Variants in LRP11 observed in about 807,000 individuals in gnomAD.
LRP11 encodes the protein low-density lipoprotein receptor-related protein 11.
LRP11 carries 25 observed loss-of-function variants against 43.1 expected under a neutral mutation model. That is an observed-to-expected ratio of 0.58 (90% CI 0.42 to 0.81). LRP11 has a LOEUF of 0.81. Among genes scored for constraint, LRP11 ranks in the 30% least tolerant of loss-of-function variants. LRP11 has a pLI of 0.00. For synonymous variants in LRP11, 316 were observed against 299.4 expected (o/e 1.06, Z -0.57); for missense variants, 623 against 665.1 (o/e 0.94, Z 0.70).
chr6:149,857,524 AAAAG>A (rs1776818715), intron 1 of LRP11, among the ~76,000 whole-genome samples: 2 of 151,984 alleles, frequency 1.3e-5, no homozygotes, highest in South Asian at 4.1e-4. Context: ...AAAAAAAGTA[AAAAG>A]AAACAAAGAT....
At chr6:149,861,744 C>T (rs1211401619) in intron 1 of LRP11, among the ~76,000 whole-genome samples, 2 of 152,196 alleles carry the variant, frequency 1.3e-5, no homozygotes, top group African/African-American at 4.8e-5. Context: ...TGGTCTCTAA[C>T]TCTTGGCCTC....
intron 3 of LRP11, among the ~76,000 whole-genome samples, chr6:149,841,875 G>A (rs781036936): frequency 1.4e-4 from 22 of 151,856 alleles, no homozygotes; most frequent in Non-Finnish European, 2.4e-4. Context: ...CTGCACCACT[G>A]CACTCCCACT....
chr6:149,826,125 C>T (rs147010382), intron 6 of LRP11, 139 bp downstream of exon 6: 82 of 750,706 alleles, frequency 1.1e-4, no homozygotes, highest in African/African-American at 8.9e-4. Flanking sequence ...ATACAAGCAA[C>T]GAGGAGACAG....
intron 1 of LRP11, among the ~76,000 whole-genome samples, chr6:149,857,088 T>C (rs1776810980): frequency 6.6e-6 from 1 of 152,228 alleles, no homozygotes; most frequent in Non-Finnish European, 1.5e-5. Flanking sequence ...ATTTTGAAGC[T>C]GACTTTGCAA....
In LRP11 at chr6:149,820,213, C is replaced by T. The variant is rs931140345; in HGVS notation, c.*336G>A. ...ATGGTAAGGGGCCAACAGTTGGCTT[C>T]TAAAAGGTAATGGGTTAACACAGTC... On this transcript the variant is annotated 3_prime_UTR_variant, in exon 7 of 7. Transcript: ENST00000239367. The T allele has an allele frequency of 4.5e-5, 8 of 176,914 alleles. No individual in the cohort carries two copies. Among genetic ancestry groups the T allele is most frequent in the Admixed American group, 3.0e-4 (5 of 16,786 alleles). The allele number at this position is 176,914 out of a possible 1,614,324, so 11.0% of individuals were successfully genotyped here. A position where few individuals can be genotyped will look rare whatever the true frequency, so the allele number is the denominator to read the frequency against.
chr6:149,841,418 A>T (rs1239164890), intron 3 of LRP11, among the ~76,000 whole-genome samples: 1 of 152,160 alleles, frequency 6.6e-6, no homozygotes, highest in Non-Finnish European at 1.5e-5. Context: ...CCTGGCAAGG[A>T]CCCTGCACAC....
At chr6:149,832,426 G>A (rs1776419880) in intron 5 of LRP11, among the ~76,000 whole-genome samples, 1 of 151,464 alleles carries the variant, frequency 6.6e-6, no homozygotes, top group Admixed American at 6.6e-5. Context: ...CTGACCTCGT[G>A]ATTTGCCTGC....
At chr6:149,859,396 A>ATTTTTTTTTTTTTTTTTTTT (rs1163759560) in intron 1 of LRP11, among the ~76,000 whole-genome samples, 1 of 71,510 alleles carries the variant, frequency 1.4e-5, no homozygotes, top group African/African-American at 8.2e-5. Context: ...ATATATATAT[A>ATTTTTTTTTTTTTTTTTTTT]TTTTTTTTTT....
intron 6 of LRP11, among the ~76,000 whole-genome samples, chr6:149,825,895 T>A (rs1776332653): frequency 1.3e-5 from 2 of 152,176 alleles, no homozygotes; most frequent in Non-Finnish European, 2.9e-5. Context: ...GCGATCCTCC[T>A]GCCTTGGCCT....
chr6:149,827,128 C>G lies in LRP11; in HGVS notation c.1253-769G>C, dbSNP rs1391990033. ...ATTACAGGTGCGTGCCACCATGCCT[C>G]GCTAATTTTTGTATTTTTAGTAGAG... On this transcript the variant is annotated intron_variant, in intron 5 of 6. Transcript: ENST00000239367. This position sits in a 1 kb window ranked among gnomAD's most constrained non-coding sequence, Gnocchi z 4.2. 9.2e-5 allele frequency among the ~76,000 whole-genome samples: 14 copies of G among 151,676 alleles called. No individual in the cohort carries two copies. Among genetic ancestry groups the G allele is most frequent in the African/African-American group, 3.4e-4 (14 of 41,288 alleles).
chr6:149,837,167 TTAGAC>T (rs1776484126), intron 4 of LRP11, among the ~76,000 whole-genome samples, 166 bp downstream of exon 4: 1 of 152,194 alleles, frequency 6.6e-6, no homozygotes, highest in African/African-American at 2.4e-5. Context: ...CATTTGAGAC[TTAGAC>T]TAGAGACATA....
At position 149,837,471 on chromosome 6, in the gene LRP11, T is replaced by C; in HGVS notation, c.914-8A>G. Reference sequence around the variant, plus strand: ...AGCAAGTGTGCAAACATCCTATTTGTAAACAAATCTCAAGTCACACGAGTG... The same window carrying C: ...AGCAAGTGTGCAAACATCCTATTTGCAAACAAATCTCAAGTCACACGAGTG... On this transcript the variant is annotated splice_polypyrimidine_tract_variant and splice_region_variant and intron_variant, in intron 3 of 6. Transcript: ENST00000239367. 2 of 1,612,856 alleles carry C rather than the reference T, an allele frequency of 1.2e-6. No homozygotes were observed. Among genetic ancestry groups the C allele is most frequent in the Non-Finnish European group, 1.7e-6 (2 of 1,179,452 alleles).
At position 149,863,614 on chromosome 6, in the gene LRP11, G is replaced by C; in HGVS notation, c.407C>G (p.Ser136Cys). 1 of 1,465,820 alleles carries C rather than the reference G, an allele frequency of 6.8e-7. No homozygotes were observed. The highest frequency in any genetic ancestry group is 9.0e-7 in the Non-Finnish European group (1 of 1,115,614). 90.8% of individuals were successfully genotyped at this position (1,465,820 alleles called of 1,614,324 possible). The stretch of plus-strand genomic sequence containing the variant: ...CACGGCCACGGAGCAGCGCGGCTCG[G>C]AGCAGCAGGCCGCCACGCATTGCCG... Reference protein sequence around the residue: ...GWRQCVAACCSEPRCSVAVVE... With the variant: ...GWRQCVAACCCEPRCSVAVVE... The change falls in exon 1 of 7, where the codon TCC becomes TGC. Residue 136 changes from serine (S) to cysteine (C), a missense_variant. Transcript: ENST00000239367.
In LRP11 at chr6:149,864,315, C is replaced by G. The variant is rs1777005471; in HGVS notation, c.-295G>C. On this transcript the variant is annotated 5_prime_UTR_variant, in exon 1 of 7. Coordinates refer to ENST00000239367, the MANE Select transcript of LRP11 (RefSeq NM_032832.6). ...CGGCCTGCGGCGCGCTGGGTGGCGA[C>G]GAGTCGGCCTCGGCGTTGATCAGCA... 9.7e-7 allele frequency: 1 copy of G among 1,029,642 alleles called. No homozygotes were observed. The highest frequency in any genetic ancestry group is 1.2e-6 in the Non-Finnish European group (1 of 859,602). 63.8% of individuals were successfully genotyped at this position (1,029,642 alleles called of 1,614,324 possible). A position where few individuals can be genotyped will look rare whatever the true frequency, so the allele number is the denominator to read the frequency against.
intron 2 of LRP11, among the ~76,000 whole-genome samples, chr6:149,846,781 A>G (rs1776638672): frequency 6.6e-6 from 1 of 152,002 alleles, no homozygotes; most frequent in Non-Finnish European, 1.5e-5. Flanking sequence ...TTTACTAAAA[A>G]TACAAAAATT....
intron 2 of LRP11, among the ~76,000 whole-genome samples, chr6:149,845,225 G>A (rs185900353): frequency 1.2e-3 from 183 of 152,338 alleles, no homozygotes; most frequent in African/African-American, 4.3e-3. Flanking sequence ...AAAGAGCTGG[G>A]CCTGGCCCAT....
intron 1 of LRP11, among the ~76,000 whole-genome samples, chr6:149,854,668 A>T (rs968630002): frequency 6.6e-6 from 1 of 152,238 alleles, no homozygotes. Flanking sequence ...CCTCTTTGGC[A>T]TCCACTTCCC....
intron 2 of LRP11, among the ~76,000 whole-genome samples, chr6:149,846,956 TAGAA>T (rs1419339656): frequency 1.2e-5 from 1 of 86,200 alleles, no homozygotes; most frequent in Non-Finnish European, 2.4e-5. Context: ...AATAAAATAA[TAGAA>T]TAGAATAGAA....
At position 149,863,910 on chromosome 6, in the gene LRP11, C is replaced by T; in HGVS notation, c.111G>A (p.Ala37=). ...LLCLWLPSGR[A]ALPPAAPLSE... Reference sequence around the variant, plus strand: ...ACAGCGGCGCCGCGGGCGGCAAGGCCGCACGGCCGCTTGGCAGCCACAGGC... The same window carrying T: ...ACAGCGGCGCCGCGGGCGGCAAGGCTGCACGGCCGCTTGGCAGCCACAGGC... The change falls in exon 1 of 7, where the codon GCG becomes GCA. Residue 37 remains alanine, a synonymous_variant. Coordinates refer to ENST00000239367, the MANE Select transcript of LRP11 (RefSeq NM_032832.6). 1 of 1,482,822 alleles carries T rather than the reference C, an allele frequency of 6.7e-7. No homozygotes were observed. Among genetic ancestry groups the T allele is most frequent in the Non-Finnish European group, 8.9e-7 (1 of 1,124,214 alleles). 91.9% of individuals were successfully genotyped at this position (1,482,822 alleles called of 1,614,324 possible).
Sources: gnomAD v4.1 joint callset for allele counts (sites outside exome capture counted in the v4.1 genomes callset) on GRCh38, gnomAD v4.1.1 for gene constraint, Gnocchi (gnomAD v3.1) non-coding constraint, MANE v1.5 for transcripts, NCBI Gene and HGNC (gene_info 2026-07-23, HGNC 2026-07-21) for gene names.